RBFOX3: variants seen among roughly 807,000 people sequenced by gnomAD.
The protein encoded by RBFOX3 is RNA binding protein fox-1 homolog 3.
A neutral mutation model predicts 48.7 loss-of-function variants in RBFOX3; 17 were observed. The ratio of observed to expected loss-of-function variants is 0.35; its 90% CI spans 0.24 to 0.52. The LOEUF (loss-of-function observed/expected upper bound fraction) is 0.52. RBFOX3 is among the 20% of genes least tolerant of loss of function. The pLI, the probability that RBFOX3 is intolerant of heterozygous loss-of-function variation, is 0.94. For missense variants in RBFOX3, 382 were observed against 497.5 expected (o/e 0.77, Z 2.21); for synonymous variants, 212 against 209.5 (o/e 1.01, Z -0.10).
chr17:79,471,466 A>G lies in RBFOX3; in HGVS notation c.-175+10988T>C, dbSNP rs1160579097. On this transcript the variant is annotated intron_variant, in intron 2 of 14. Coordinates refer to ENST00000693108, the MANE Select transcript of RBFOX3 (RefSeq NM_001350451.2). The surrounding 1 kb of genome is among the most constrained non-coding windows in gnomAD (Gnocchi z 4.0). ...CATTCTGGCTCACAGACAAGAGACA[A>G]TATTCAAACGCCACCTCTGGTCACC... Among the ~76,000 whole-genome samples the G allele has an allele frequency of 1.3e-5, 2 of 152,226 alleles. No homozygotes were observed. Among genetic ancestry groups the G allele is most frequent in the Admixed American group, 6.5e-5 (1 of 15,284 alleles).
rs1804243814 is a variant in RBFOX3 at position 79,195,242 on chromosome 17, A to G, written c.-34+40524T>C. 1.3e-5 allele frequency among the ~76,000 whole-genome samples: 2 copies of G among 152,130 alleles called. No individual in the cohort carries two copies. Among genetic ancestry groups the G allele is most frequent in the Admixed American group, 1.3e-4 (2 of 15,280 alleles). On this transcript the variant is annotated intron_variant, in intron 4 of 14. Coordinates refer to ENST00000693108, the MANE Select transcript of RBFOX3 (RefSeq NM_001350451.2). The surrounding 1 kb of genome is among the most constrained non-coding windows in gnomAD (Gnocchi z 5.3). ...GAAACCCTGTTTCTACTAAAAATAC[A>G]AAAAATAAGCCGGACATGGTGGTGG...
At chr17:79,516,493 T>C (rs912439056) in intron 1 of RBFOX3, among the ~76,000 whole-genome samples, 40 of 152,370 alleles carry the variant, frequency 2.6e-4, no homozygotes, top group Admixed American at 1.2e-3. Context: ...AATATTCACG[T>C]CCAGCCCAGA....
At chr17:79,468,587 A>AATGGATGG (rs797028492) in intron 2 of RBFOX3, among the ~76,000 whole-genome samples, 9 of 145,856 alleles carry the variant, frequency 6.2e-5, no homozygotes, top group African/African-American at 2.3e-4. Context: ...TGAATGAATG[A>AATGGATGG]ATGGATGGAT....
chr17:79,265,696 C>T (rs1461644857), intron 3 of RBFOX3, among the ~76,000 whole-genome samples: 1 of 152,358 alleles, frequency 6.6e-6, no homozygotes, highest in South Asian at 2.1e-4. Context: ...AAGATCACTG[C>T]TATTTTATAC....
At chr17:79,425,334 A>G (rs1161190570) in intron 2 of RBFOX3, among the ~76,000 whole-genome samples, 1 of 152,026 alleles carries the variant, frequency 6.6e-6, no homozygotes, top group Non-Finnish European at 1.5e-5. Context: ...TGCAGTGGGG[A>G]GGGCCTGGGG....
At chr17:79,401,147 C>A (rs903189819) in intron 2 of RBFOX3, among the ~76,000 whole-genome samples, 4 of 152,216 alleles carry the variant, frequency 2.6e-5, no homozygotes, top group Non-Finnish European at 4.4e-5. Flanking sequence ...AGAATGACAG[C>A]GGTTCGGCAG....
chr17:79,437,906 A>G (rs2069877979), intron 2 of RBFOX3, among the ~76,000 whole-genome samples: 1 of 152,042 alleles, frequency 6.6e-6, no homozygotes, highest in South Asian at 2.1e-4. Flanking sequence ...TGCCACACAC[A>G]TATACTCATG....
At chr17:79,357,272 A>G (rs1021883385) in intron 2 of RBFOX3, among the ~76,000 whole-genome samples, 4 of 152,240 alleles carry the variant, frequency 2.6e-5, no homozygotes, top group Non-Finnish European at 5.9e-5. Flanking sequence ...AAGCTGCCCA[A>G]AAACGAAACA....
In RBFOX3 at chr17:79,303,851, C is replaced by CTGTGTGTG. The variant is rs34981785; in HGVS notation, c.-74+3865_-74+3872dup. 7.1e-3 allele frequency among the ~76,000 whole-genome samples: 1,057 copies of CTGTGTGTG among 147,864 alleles called. 9 individuals are homozygous for CTGTGTGTG. The highest frequency in any genetic ancestry group is 0.03 in the East Asian group (147 of 4,942). On this transcript the variant is annotated intron_variant, in intron 3 of 14. Transcript: ENST00000693108. ...TTTGTATGCATGTGTGCATGTCTGC[C>CTGTGTGTG]TGTGTGTGTGTGTGTGTGTGTGTGT...
intron 1 of RBFOX3, among the ~76,000 whole-genome samples, chr17:79,553,825 T>A (rs1599136332): frequency 6.6e-6 from 1 of 152,018 alleles, no homozygotes; most frequent in African/African-American, 2.4e-5. Context: ...CTCTGCCTCC[T>A]GGGTGCAAGC....
At chr17:79,202,964 G>A (rs2056986555) in intron 4 of RBFOX3, among the ~76,000 whole-genome samples, 1 of 152,058 alleles carries the variant, frequency 6.6e-6, no homozygotes, top group South Asian at 2.1e-4. Context: ...GCTCAGTAAC[G>A]CACCCTTGGA....
At chr17:79,327,140 C>G (rs535476076) in intron 2 of RBFOX3, among the ~76,000 whole-genome samples, 95 of 152,300 alleles carry the variant, frequency 6.2e-4, no homozygotes, top group African/African-American at 2.1e-3. Context: ...GTACCCCCCA[C>G]ACCTTCCCCA....
At chr17:79,273,577 C>T (rs865972450) in intron 3 of RBFOX3, among the ~76,000 whole-genome samples, 140 of 7,970 alleles carry the variant, frequency 0.018, 1 homozygote, top group African/African-American at 0.073. Flanking sequence ...CTGGGGGGGG[C>T]GGGGGCGGGG....
At position 79,111,855 on chromosome 17, in the gene RBFOX3, C is replaced by T. The variant is rs1266567437; in HGVS notation, c.222+3639G>A. Among the ~76,000 whole-genome samples, 1 of 152,244 alleles carries T rather than the reference C, an allele frequency of 6.6e-6. No homozygotes were observed. The highest frequency in any genetic ancestry group is 1.5e-5 in the Non-Finnish European group (1 of 68,046). On this transcript the variant is annotated intron_variant, in intron 5 of 14. Transcript: ENST00000693108. This position sits in a 1 kb window ranked among gnomAD's most constrained non-coding sequence, Gnocchi z 4.2. ...GGTGACCCCTGCTGGGGAACACAGA[C>T]CCTGGGGGTGGCTCAAGGTAGTGAG...
At chr17:79,323,204 C>T (rs188793181) in intron 2 of RBFOX3, among the ~76,000 whole-genome samples, 53 of 152,324 alleles carry the variant, frequency 3.5e-4, no homozygotes, top group African/African-American at 1.1e-3. Flanking sequence ...GTGAAAGACA[C>T]AGCACTGGCA....
At chr17:79,261,797 ACACAAGAGGCCCCCAGAGCG>A in intron 3 of RBFOX3, among the ~76,000 whole-genome samples, 1 of 152,102 alleles carries the variant, frequency 6.6e-6, no homozygotes, top group Non-Finnish European at 1.5e-5. Flanking sequence ...TCCCCTGTTC[ACACAAGAGGCCCCCAGAGCG>A]GCTTCCCCTC....
chr17:79,233,269 G>A (rs1261936905), intron 4 of RBFOX3, among the ~76,000 whole-genome samples: 3 of 152,176 alleles, frequency 2.0e-5, no homozygotes, highest in Non-Finnish European at 2.9e-5. Flanking sequence ...CAGATGCTAC[G>A]ATTCTATTTA....
At chr17:79,580,307 C>T (rs1021421946) in intron 1 of RBFOX3, among the ~76,000 whole-genome samples, 25 of 136,740 alleles carry the variant, frequency 1.8e-4, no homozygotes, top group Middle Eastern at 3.9e-3. Flanking sequence ...TCCTTCTTCT[C>T]CTCCCTCTCC....
chr17:79,305,822 T>A (rs888389531), intron 3 of RBFOX3, among the ~76,000 whole-genome samples: 2 of 152,214 alleles, frequency 1.3e-5, no homozygotes, highest in Non-Finnish European at 2.9e-5. Flanking sequence ...CTCTCCGCTG[T>A]GGGCAGGCAG....
Sources: gnomAD v4.1 joint callset for allele counts (sites outside exome capture counted in the v4.1 genomes callset) on GRCh38, gnomAD v4.1.1 for gene constraint, Gnocchi (gnomAD v3.1) non-coding constraint, MANE v1.5 for transcripts, NCBI Gene and HGNC (gene_info 2026-07-23, HGNC 2026-07-21) for gene names.